ABCC5: variants seen among roughly 807,000 people sequenced by gnomAD.
ABCC5 encodes ATP binding cassette subfamily C member 5, also known as ATP-binding cassette sub-family C member 5.
In ABCC5, 61 loss-of-function variants were observed where a neutral mutation model predicts 160.9. That is an observed-to-expected ratio of 0.38 (90% CI 0.31 to 0.47). The LOEUF is 0.47. Ranked by LOEUF, ABCC5 falls within the 20% of genes least tolerant of loss-of-function variation. The probability of loss-of-function intolerance (pLI) is 0.99; values close to 1 mark genes in which losing one functional copy is unlikely to be tolerated. For missense variants in ABCC5, 1,308 were observed against 1,813.3 expected (o/e 0.72, Z 5.06); for synonymous variants, 666 against 700.6 (o/e 0.95, Z 0.78).
rs182564007 is a variant in ABCC5, at chr3:183,965,157, T to C, written c.2031+28A>G. On this transcript the variant is annotated intron_variant, in intron 14 of 29. Coordinates refer to ENST00000334444, the MANE Select transcript of ABCC5 (RefSeq NM_005688.4). ...GGCCCAGCTCTGCCACTCTGCTAAA[T>C]GCCTGGTCAGGGGCGGAAGGCCTGT... The C allele has an allele frequency of 4.6e-4, 742 of 1,612,392 alleles. 6 individuals are homozygous for C. Among genetic ancestry groups the C allele is most frequent in the Admixed American group, 1.2e-4 (7 of 59,978 alleles).
In ABCC5 at chr3:183,981,885, A is replaced by G; in HGVS notation, c.1000-11T>C. On this transcript the variant is annotated splice_polypyrimidine_tract_variant and intron_variant, in intron 7 of 29. Coordinates refer to ENST00000334444, the MANE Select transcript of ABCC5 (RefSeq NM_005688.4). ...CCGTGATGCAAACATCTGAAAGGAA[A>G]AGCGATGCCACGCCAAATTAAAGCT... 3 of 1,585,246 alleles carry G rather than the reference A, an allele frequency of 1.9e-6. No homozygotes were observed. Among genetic ancestry groups the G allele is most frequent in the Non-Finnish European group, 2.6e-6 (3 of 1,170,900 alleles).
At position 183,922,402 on chromosome 3, in the gene ABCC5, TAAAA is replaced by T. The variant is rs541982299; in HGVS notation, c.4213-1005_4213-1002del. ...AAAATAAATAAATAAATAAACAAAA[TAAAA>T]TAAATAAACTGCAGGGGAGAGAAGT... On this transcript the variant is annotated intron_variant, in intron 29 of 29. Coordinates refer to ENST00000334444, the MANE Select transcript of ABCC5 (RefSeq NM_005688.4). Among the ~76,000 whole-genome samples the T allele has an allele frequency of 6.9e-4, 105 of 151,940 alleles. 2 individuals are homozygous for T. The South Asian group carries it at 0.01, about 14-fold the overall frequency.
intron 26 of ABCC5, among the ~76,000 whole-genome samples, chr3:183,937,076 C>G (rs1398778691): frequency 3.3e-5 from 5 of 151,982 alleles, no homozygotes; most frequent in Non-Finnish European, 1.5e-5. Flanking sequence ...TGAAAGCCAC[C>G]ATTGGAACTG....
chr3:183,920,110 G>C lies in ABCC5; in HGVS notation c.*1190C>G, dbSNP rs143330011. On this transcript the variant is annotated 3_prime_UTR_variant, in exon 30 of 30. Transcript: ENST00000334444. This position sits in a 1 kb window ranked among gnomAD's most constrained non-coding sequence, Gnocchi z 4.1. ...GAGCTACCAGCCCCACAGCACAAAG[G>C]GGGTTTGCGGGAACACACCAAACCA... 647 of 152,800 alleles carry C rather than the reference G, an allele frequency of 4.2e-3. 2 individuals are homozygous for C. The highest frequency in any genetic ancestry group is 5.2e-3 in the Non-Finnish European group (354 of 68,114). The allele number at this position is 152,800 out of a possible 1,614,324, so 9.5% of individuals were successfully genotyped here. A position where few individuals can be genotyped will look rare whatever the true frequency, so the allele number is the denominator to read the frequency against.
intron 2 of ABCC5, among the ~76,000 whole-genome samples, chr3:183,994,446 G>A (rs1364927885): frequency 6.6e-6 from 1 of 151,832 alleles, no homozygotes; most frequent in Non-Finnish European, 1.5e-5. Flanking sequence ...TGCAATCTCG[G>A]GTCACTGCAA....
rs1236684724 is a variant in ABCC5 at position 183,971,756 on chromosome 3, G to A, written c.1568C>T (p.Ser523Phe). 1 of 1,614,194 alleles carries A rather than the reference G, an allele frequency of 6.2e-7. No homozygotes were observed. Among genetic ancestry groups the A allele is most frequent in the Admixed American group, 1.7e-5 (1 of 60,020 alleles). ...TPKMKKDKRASRGKKEKVRQL... is the reference protein window; with the variant it reads ...TPKMKKDKRAFRGKKEKVRQL... ...CCTCACCTTCTCTTTCTTGCCCCTG[G>A]AAGCCCTCTTGTCTTTTTTCATTTT... The change falls in exon 11 of 30, where the codon TCC becomes TTC. Residue 523 changes from serine (S) to phenylalanine (F), a missense_variant. By Grantham distance (155) the Ser-to-Phe change is radical. This residue lies in a region of ABCC5 where 1,142 missense variants were observed against 1,527.1 expected (regional missense o/e 0.75). Transcript: ENST00000334444.
chr3:183,969,521 G>A (rs928551032), intron 11 of ABCC5, among the ~76,000 whole-genome samples: 8 of 152,022 alleles, frequency 5.3e-5, no homozygotes, highest in East Asian at 1.9e-4. Flanking sequence ...GTGAAACCCC[G>A]TCTCTACTAA....
rs148367658 is a variant in ABCC5, at chr3:183,949,046, A to G, written c.3227+707T>C. On this transcript the variant is annotated intron_variant, in intron 22 of 29. Transcript: ENST00000334444. This position sits in a 1 kb window ranked among gnomAD's most constrained non-coding sequence, Gnocchi z 4.2. Reference sequence around the variant, plus strand: ...TACATAAAAACACATACTCAAAGGTAGCATACAATATATTAATACACACAT... The same window carrying G: ...TACATAAAAACACATACTCAAAGGTGGCATACAATATATTAATACACACAT... 1.3e-5 allele frequency among the ~76,000 whole-genome samples: 2 copies of G among 152,326 alleles called. No homozygotes were observed. Among genetic ancestry groups the G allele is most frequent in the Non-Finnish European group, 2.9e-5 (2 of 68,034 alleles).
intron 28 of ABCC5, 26 bp downstream of exon 28, chr3:183,927,304 C>T (rs749810938): frequency 1.2e-6 from 2 of 1,607,876 alleles, no homozygotes; most frequent in Non-Finnish European, 8.5e-7. Context: ...CCATTCTCTG[C>T]TGCTGCCAAC....
In ABCC5 at chr3:183,971,904, C is replaced by G. The variant is rs1376761287; in HGVS notation, c.1420G>C (p.Glu474Gln). Residue 474 changes from glutamate to glutamine, a missense_variant, in exon 11 of 30, where the codon GAA (glutamate) becomes CAA (glutamine). By Grantham distance (29) the Glu-to-Gln change is conservative. Around this residue, in one of 3 missense-constraint regions of ABCC5, gnomAD observed 1,142 missense variants for 1,527.1 expected, o/e 0.75. Transcript: ENST00000334444. ...TTGTTCTTTATCATGTGAACCTCTT[C>G]CATTAGAAACAAACTCTGATAGGAG... ...VDRFKSLFLM[E>Q]EVHMIKNKPA... 1.2e-6 allele frequency: 2 copies of G among 1,613,896 alleles called. No individual in the cohort carries two copies. The highest frequency in any genetic ancestry group is 2.7e-5 in the African/African-American group (2 of 74,884).
At chr3:183,956,808 T>G (rs56225456) in intron 17 of ABCC5, among the ~76,000 whole-genome samples, 38 of 38,676 alleles carry the variant, frequency 9.8e-4, no homozygotes, top group East Asian at 2.6e-3. Flanking sequence ...ATATCACATC[T>G]GTTACATGCA....
intron 2 of ABCC5, among the ~76,000 whole-genome samples, chr3:184,013,499 C>A (rs1372864384): frequency 6.6e-6 from 1 of 152,100 alleles, no homozygotes; most frequent in Non-Finnish European, 1.5e-5. Flanking sequence ...AGTGACCCAC[C>A]CACCTCAACC....
intron 2 of ABCC5, chr3:184,000,970 A>G (rs1200206711): frequency 3.9e-5 from 15 of 381,226 alleles, no homozygotes; most frequent in Non-Finnish European, 6.5e-5. Flanking sequence ...AGTAAAAAGT[A>G]GGCAGTGTAC....
At chr3:183,975,871 C>A (rs1011994887) in intron 10 of ABCC5, among the ~76,000 whole-genome samples, 8 of 152,108 alleles carry the variant, frequency 5.3e-5, no homozygotes, top group African/African-American at 1.9e-4. Flanking sequence ...CACTAATAAG[C>A]AGGAGATGAG....
chr3:183,999,815 T>C (rs181574028), intron 2 of ABCC5, among the ~76,000 whole-genome samples: 263 of 151,904 alleles, frequency 1.7e-3, no homozygotes, highest in African/African-American at 5.7e-3. Flanking sequence ...ACTAACCAGA[T>C]TGGAGATGAA....
intron 2 of ABCC5, among the ~76,000 whole-genome samples, chr3:183,998,245 A>G (rs1373267785): frequency 6.6e-6 from 1 of 152,200 alleles, no homozygotes; most frequent in African/African-American, 2.4e-5. Flanking sequence ...ACTTTATTAC[A>G]GGATATGTGC....
intron 25 of ABCC5, among the ~76,000 whole-genome samples, chr3:183,939,306 G>A (rs1056520659): frequency 1.3e-5 from 2 of 152,160 alleles, no homozygotes; most frequent in South Asian, 4.1e-4. Context: ...GATGGCGAGT[G>A]CCTGTAATCC....
chr3:183,985,426 C>G, intron 5 of ABCC5: 1 of 1,515,154 alleles, frequency 6.6e-7, no homozygotes, highest in South Asian at 1.1e-5. Flanking sequence ...AGACTCCCCC[C>G]AAATCCAGAT....
At chr3:183,952,974 T>C in intron 18 of ABCC5, 112 bp downstream of exon 18, 1 of 1,257,148 alleles carries the variant, frequency 8.0e-7, no homozygotes, top group Admixed American at 2.5e-5. Context: ...AATCTCTCTT[T>C]ACAGCTTCTT....
Sources: allele counts gnomAD v4.1 joint callset (sites outside exome capture counted in the v4.1 genomes callset), GRCh38; gene constraint gnomAD v4.1.1; regional missense constraint gnomAD v4.1.1; non-coding constraint Gnocchi (gnomAD v3.1); transcripts MANE v1.5; gene names NCBI Gene and HGNC (gene_info 2026-07-23, HGNC 2026-07-21).